The following UMAD1 variants were observed in gnomAD, a reference collection of about 807,000 sequenced individuals.
UMAD1 encodes UBAP1-MVB12-associated (UMA) domain containing 1.
A neutral mutation model predicts 6.1 loss-of-function variants in UMAD1; 8 were observed. The observed-to-expected ratio is 1.30, with a 90% CI of 0.76 to 2.35. UMAD1 has a LOEUF of 2.35. Among genes scored for constraint, UMAD1 ranks in the 30% most tolerant of loss-of-function variants. The pLI is 0.00. For missense variants in UMAD1, 130 were observed against 78.4 expected, an observed-to-expected ratio of 1.66 and a Z score of -2.49; for synonymous variants, 56 against 31.4, an observed-to-expected ratio of 1.78 and a Z score of -2.61.
At chr7:7,852,715 G>T (rs1048838848) in intron 3 of UMAD1, among the ~76,000 whole-genome samples, 1 of 152,182 alleles carries the variant, frequency 6.6e-6, no homozygotes, top group Non-Finnish European at 1.5e-5. Context: ...ACGTAAATGA[G>T]TTCCTTCCTG....
intron 2 of UMAD1, among the ~76,000 whole-genome samples, chr7:7,724,521 C>T (rs1781105765): frequency 6.6e-6 from 1 of 152,176 alleles, no homozygotes; most frequent in African/African-American, 2.4e-5. Flanking sequence ...AAATCAAAAA[C>T]AGTATCACAT....
At chr7:7,806,210 TC>T (rs769217675) in intron 3 of UMAD1, among the ~76,000 whole-genome samples, 2 of 151,320 alleles carry the variant, frequency 1.3e-5, no homozygotes, top group Non-Finnish European at 2.9e-5. Flanking sequence ...AGCAGTTTCT[TC>T]CCCAAATCTC....
intron 3 of UMAD1, among the ~76,000 whole-genome samples, chr7:7,861,569 C>A (rs1024704202): frequency 3.3e-5 from 5 of 152,288 alleles, no homozygotes; most frequent in African/African-American, 1.2e-4. Context: ...ACTCATACGC[C>A]CATTGGAATT....
chr7:7,784,830 C>T (rs1192324667), intron 2 of UMAD1, among the ~76,000 whole-genome samples: 1 of 133,178 alleles, frequency 7.5e-6, no homozygotes, highest in Non-Finnish European at 1.5e-5. Flanking sequence ...GGCGCGATCT[C>T]GGCTCGCTGC....
chr7:7,691,283 A>C (rs1780166602), intron 2 of UMAD1, among the ~76,000 whole-genome samples: 1 of 152,220 alleles, frequency 6.6e-6, no homozygotes, highest in Non-Finnish European at 1.5e-5. Context: ...AAGGAAAAAA[A>C]CTTGTAAACA....
rs567844956 is a variant in UMAD1, at chr7:7,738,995, CA to C, written c.83-62674del. On this transcript the variant is annotated intron_variant, in intron 2 of 3. Transcript: ENST00000682710. ...CCTGTTGTTTGGATTCTTGAAAGAA[CA>C]GGGAGAAATTTCAGGAAAAAGGATG... 186 of 152,278 alleles carry C rather than the reference CA, an allele frequency of 1.2e-3. 1 individual carries two copies. The highest frequency in any genetic ancestry group is 4.1e-3 in the African/African-American group (170 of 41,542). 9.4% of individuals were successfully genotyped at this position (152,278 alleles called of 1,614,324 possible). A position where few individuals can be genotyped will look rare whatever the true frequency, so the allele number is the denominator to read the frequency against.
chr7:7,839,848 T>A (rs1004762291), intron 3 of UMAD1, among the ~76,000 whole-genome samples: 1 of 152,278 alleles, frequency 6.6e-6, no homozygotes, highest in African/African-American at 2.4e-5. Context: ...TTTATGACCA[T>A]AAATTTAAAA....
intron 3 of UMAD1, among the ~76,000 whole-genome samples, chr7:7,849,314 G>C (rs1783869786): frequency 6.6e-6 from 1 of 152,132 alleles, no homozygotes; most frequent in Non-Finnish European, 1.5e-5. Flanking sequence ...AAAAGTGACT[G>C]AGGTACAGAA....
At chr7:7,831,619 G>A (rs1005374164) in intron 3 of UMAD1, among the ~76,000 whole-genome samples, 8 of 152,140 alleles carry the variant, frequency 5.3e-5, no homozygotes, top group African/African-American at 9.7e-5. Context: ...TTGAGTCAGC[G>A]TTGAGAGCCC....
intron 2 of UMAD1, among the ~76,000 whole-genome samples, chr7:7,765,844 A>G (rs1378783766): frequency 6.6e-6 from 1 of 152,210 alleles, no homozygotes; most frequent in Non-Finnish European, 1.5e-5. Context: ...GGTTTTATAA[A>G]TAGAATGTTC....
intron 2 of UMAD1, among the ~76,000 whole-genome samples, chr7:7,682,278 A>G (rs923963007): frequency 6.6e-6 from 1 of 152,154 alleles, no homozygotes; most frequent in Non-Finnish European, 1.5e-5. Flanking sequence ...AATACTTAAA[A>G]CACATTGAAA....
intron 3 of UMAD1, among the ~76,000 whole-genome samples, chr7:7,848,849 T>C (rs1170786991): frequency 6.6e-6 from 1 of 152,136 alleles, no homozygotes; most frequent in African/African-American, 2.4e-5. Context: ...TTTTTTCATA[T>C]TTTACTGCCA....
chr7:7,809,257 C>T (rs73356282), intron 3 of UMAD1, among the ~76,000 whole-genome samples: 2,138 of 151,944 alleles, frequency 0.014, 56 homozygotes, highest in African/African-American at 0.05. Context: ...TAGTACACAG[C>T]GGTCACTTTG....
At chr7:7,758,259 CGTCTTTGCTTTCCCTTT>C (rs1781818446) in intron 2 of UMAD1, among the ~76,000 whole-genome samples, 1 of 151,892 alleles carries the variant, frequency 6.6e-6, no homozygotes, top group South Asian at 2.1e-4. Context: ...GAACTAGAGT[CGTCTTTGCTTTCCCTTT>C]TTCTCACGTA....
chr7:7,817,506 T>C (rs892544324), intron 3 of UMAD1, among the ~76,000 whole-genome samples: 2 of 152,218 alleles, frequency 1.3e-5, no homozygotes, highest in Admixed American at 1.3e-4. Flanking sequence ...TTACTTCATC[T>C]CTCCGAAGTG....
At chr7:7,662,440 T>C (rs1399938751) in intron 1 of UMAD1, among the ~76,000 whole-genome samples, 2 of 152,160 alleles carry the variant, frequency 1.3e-5, no homozygotes, top group Non-Finnish European at 2.9e-5. Flanking sequence ...AGGTCCGTGG[T>C]GGCATAGGCA....
intron 1 of UMAD1, among the ~76,000 whole-genome samples, chr7:7,669,389 G>T (rs1779549589): frequency 1.3e-5 from 2 of 152,168 alleles, no homozygotes. Flanking sequence ...TCATAGAGGG[G>T]AGATCTAAGA....
chr7:7,686,567 C>T (rs2115130592), intron 2 of UMAD1, among the ~76,000 whole-genome samples: 1 of 152,288 alleles, frequency 6.6e-6, no homozygotes, highest in East Asian at 1.9e-4. Context: ...CACGTATACT[C>T]ATACGAGGTT....
intron 2 of UMAD1, among the ~76,000 whole-genome samples, chr7:7,751,880 A>G (rs1050025787): frequency 1.3e-5 from 2 of 152,024 alleles, no homozygotes; most frequent in African/African-American, 4.8e-5. Context: ...TCTCTTTTCT[A>G]CTCTGACGGT....
Sources: gnomAD v4.1 joint callset for allele counts (sites outside exome capture counted in the v4.1 genomes callset) on GRCh38, gnomAD v4.1.1 for gene constraint, MANE v1.5 for transcripts, NCBI Gene and HGNC (gene_info 2026-07-23, HGNC 2026-07-21) for gene names.